Variants in STK32B observed in about 807,000 individuals in gnomAD.
STK32B encodes the protein serine/threonine kinase 32B, also known as serine/threonine-protein kinase 32B.
In STK32B, 43 loss-of-function variants were observed where a neutral mutation model predicts 52.6. That is an observed-to-expected ratio of 0.82 (90% CI 0.64 to 1.05). The LOEUF (loss-of-function observed/expected upper bound fraction) is 1.05. Ranked by LOEUF, STK32B falls within the 50% of genes least tolerant of loss-of-function variation. The pLI is 0.00. For missense variants in STK32B, 621 were observed against 534.6 expected, an observed-to-expected ratio of 1.16 and a Z score of -1.59; for synonymous variants, 238 against 204.3, an observed-to-expected ratio of 1.17 and a Z score of -1.41.
chr4:5,122,183 T>G (rs533807783), intron 1 of STK32B, among the ~76,000 whole-genome samples: 33 of 149,924 alleles, frequency 2.2e-4, no homozygotes, highest in African/African-American at 7.9e-4. Flanking sequence ...TCTTCACTCC[T>G]TCACTCACTC....
At position 5,499,119 on chromosome 4, in the gene STK32B, G is replaced by C. The variant is rs372068739; in HGVS notation, c.*36G>C. 1.8e-5 allele frequency: 29 copies of C among 1,567,998 alleles called. No individual in the cohort carries two copies. Among genetic ancestry groups the C allele is most frequent in the South Asian group, 3.5e-5 (3 of 84,646 alleles). On this transcript the variant is annotated 3_prime_UTR_variant, in exon 12 of 12. Transcript: ENST00000282908. ...GTTGCTGCTCAACAGGACTGCACTC[G>C]TCTCTGCCCTGCCCACCCAGAGCCC...
At chr4:5,174,368 C>T (rs1186987152) in intron 3 of STK32B, among the ~76,000 whole-genome samples, 3 of 152,060 alleles carry the variant, frequency 2.0e-5, no homozygotes, top group South Asian at 2.1e-4. Context: ...TTATTTTGCT[C>T]GTTAGTTGAT....
At chr4:5,450,698 C>T (rs1196514402) in intron 7 of STK32B, among the ~76,000 whole-genome samples, 1 of 152,136 alleles carries the variant, frequency 6.6e-6, no homozygotes, top group East Asian at 1.9e-4. Context: ...GTAATTATAT[C>T]TACCCAATAG....
At chr4:5,490,001 G>A (rs1420287032) in intron 11 of STK32B, among the ~76,000 whole-genome samples, 2 of 152,020 alleles carry the variant, frequency 1.3e-5, no homozygotes, top group African/African-American at 4.8e-5. Flanking sequence ...TTTGTCATTG[G>A]ATAGTAATAC....
chr4:5,342,687 G>A (rs897148059), intron 4 of STK32B, among the ~76,000 whole-genome samples: 8 of 152,142 alleles, frequency 5.3e-5, no homozygotes, highest in African/African-American at 1.9e-4. Context: ...TTTGGGCAGG[G>A]ATGCACATCC....
intron 3 of STK32B, among the ~76,000 whole-genome samples, chr4:5,289,796 G>GC (rs1389996451): frequency 1.3e-5 from 2 of 148,264 alleles, no homozygotes; most frequent in East Asian, 2.0e-4. Flanking sequence ...GCCTGCCTCG[G>GC]CCCCCCAAAG....
chr4:5,139,146 T>C (rs1217246571), intron 1 of STK32B, among the ~76,000 whole-genome samples: 1 of 152,054 alleles, frequency 6.6e-6, no homozygotes, highest in Non-Finnish European at 1.5e-5. Flanking sequence ...TGAGACACTG[T>C]GCAGAGACAA....
intron 2 of STK32B, among the ~76,000 whole-genome samples, chr4:5,142,477 A>G (rs1560173905): frequency 2.6e-5 from 4 of 152,246 alleles, no homozygotes; most frequent in Non-Finnish European, 5.9e-5. Flanking sequence ...TGGAGGCACC[A>G]CAGAGCTTCT....
intron 3 of STK32B, among the ~76,000 whole-genome samples, chr4:5,293,152 T>C (rs1021010160): frequency 6.6e-6 from 1 of 152,184 alleles, no homozygotes; most frequent in African/African-American, 2.4e-5. Context: ...TAGTATTCCA[T>C]GGTGTATAAG....
intron 4 of STK32B, among the ~76,000 whole-genome samples, chr4:5,365,872 C>G (rs1455258402): frequency 6.6e-6 from 1 of 152,042 alleles, no homozygotes; most frequent in African/African-American, 2.4e-5. Context: ...ACAATCAGGC[C>G]GAGGGCGTGG....
chr4:5,375,757 T>TCCTCAAATA (rs1735548120), intron 4 of STK32B, among the ~76,000 whole-genome samples: 1 of 152,142 alleles, frequency 6.6e-6, no homozygotes. Context: ...CTGATGACTG[T>TCCTCAAATA]TCCTCAGTAT....
chr4:5,156,880 A>T (rs1717898957), intron 2 of STK32B, among the ~76,000 whole-genome samples: 1 of 152,192 alleles, frequency 6.6e-6, no homozygotes, highest in African/African-American at 2.4e-5. Flanking sequence ...CCGCCTTATT[A>T]TGCAATGATG....
At chr4:5,124,599 C>T (rs953748186) in intron 1 of STK32B, among the ~76,000 whole-genome samples, 5 of 152,166 alleles carry the variant, frequency 3.3e-5, no homozygotes, top group Non-Finnish European at 7.3e-5. Context: ...CACTACAGGT[C>T]ATAGATATAA....
intron 7 of STK32B, among the ~76,000 whole-genome samples, chr4:5,454,191 G>A (rs967137751): frequency 6.6e-6 from 1 of 152,210 alleles, no homozygotes. Flanking sequence ...CAGGAGCAGA[G>A]TCAAAGTCAG....
chr4:5,446,805 G>C (rs755533072), intron 7 of STK32B, 29 bp downstream of exon 7: 1 of 1,608,444 alleles, frequency 6.2e-7, no homozygotes, highest in African/African-American at 1.3e-5. Flanking sequence ...CGGTACACAC[G>C]AGGGGCTGTG....
At chr4:5,075,838 G>A (rs1250518221) in intron 1 of STK32B, among the ~76,000 whole-genome samples, 1 of 151,958 alleles carries the variant, frequency 6.6e-6, no homozygotes, top group Non-Finnish European at 1.5e-5. Flanking sequence ...CAATAAATAT[G>A]TATTACTTTG....
chr4:5,423,232 G>A (rs531542540), intron 6 of STK32B, among the ~76,000 whole-genome samples: 14 of 152,246 alleles, frequency 9.2e-5, no homozygotes, highest in African/African-American at 3.4e-4. Context: ...TCCAGGTGAA[G>A]TGTGGGCTTC....
chr4:5,099,450 G>GTGTGCA (rs60872398), intron 1 of STK32B, among the ~76,000 whole-genome samples: 2 of 91,296 alleles, frequency 2.2e-5, no homozygotes, highest in African/African-American at 1.1e-4. Context: ...GTGTGTGTGT[G>GTGTGCA]CGCGCGCGCG....
At chr4:5,437,799 T>A (rs1320385195) in intron 6 of STK32B, 9 of 522,950 alleles carry the variant, frequency 1.7e-5, no homozygotes, top group African/African-American at 1.7e-4. Flanking sequence ...GATATGTGGT[T>A]CACACCTGTC....
Sources: gnomAD v4.1 joint callset for allele counts (sites outside exome capture counted in the v4.1 genomes callset) on GRCh38, gnomAD v4.1.1 for gene constraint, MANE v1.5 for transcripts, NCBI Gene and HGNC (gene_info 2026-07-23, HGNC 2026-07-21) for gene names.